ZNF782: variants seen among roughly 807,000 people sequenced by gnomAD.
ZNF782 encodes the protein zinc finger protein 782.
In ZNF782, 12 loss-of-function variants were observed where a neutral mutation model predicts 13.0. The observed-to-expected ratio is 0.92, with a 90% CI of 0.59 to 1.50. The LOEUF (loss-of-function observed/expected upper bound fraction) is 1.50. Ranked by LOEUF, ZNF782 falls within the 40% of genes most tolerant of loss-of-function variation. ZNF782 has a pLI of 0.00. For synonymous variants in ZNF782, 284 were observed against 283.0 expected, an observed-to-expected ratio of 1.00 and a Z score of -0.04; for missense variants, 770 against 822.9, an observed-to-expected ratio of 0.94 and a Z score of 0.79.
In ZNF782 at chr9:96,819,057, A is replaced by C; in HGVS notation, c.966T>G (p.Asn322Lys). 1.2e-6 allele frequency: 2 copies of C among 1,614,186 alleles called. No individual in the cohort carries two copies. Among genetic ancestry groups the C allele is most frequent in the Non-Finnish European group, 1.7e-6 (2 of 1,180,038 alleles). The part of the protein sequence containing the change: ...PFEYGKSFNR[N>K]STLPVHQRTH... ...TTCTCTGATGCACTGGGAGGGTTGA[A>C]TTACGGTTGAAACTTTTTCCATATT... Residue 322 changes from asparagine to lysine, a missense_variant, in exon 6 of 6, where the codon AAT becomes AAG. Physicochemically the swap from Asn to Lys is moderately conservative, Grantham distance 94. Transcript: ENST00000481138.
At chr9:96,905,767 T>C in the ZNF782 span, among the ~76,000 whole-genome samples, 1 of 152,226 alleles carries the variant, frequency 6.6e-6, no homozygotes, top group African/African-American at 2.4e-5. Flanking sequence ...TGTATTTTTA[T>C]GAGAGGCAGG....
At chr9:96,845,560 A>C (rs925571579) in intron 3 of ZNF782, among the ~76,000 whole-genome samples, 7 of 152,234 alleles carry the variant, frequency 4.6e-5, no homozygotes, top group African/African-American at 1.7e-4. Context: ...CCCAGCTGGG[A>C]AGTGAATCTT....
the ZNF782 span, among the ~76,000 whole-genome samples, chr9:96,902,368 G>A: frequency 7.6e-6 from 1 of 131,482 alleles, no homozygotes. Context: ...AAGTTGCAGT[G>A]AGCTGAGATC....
the ZNF782 span, among the ~76,000 whole-genome samples, chr9:96,900,106 G>A: frequency 6.6e-6 from 1 of 151,896 alleles, no homozygotes; most frequent in Admixed American, 6.6e-5. Context: ...GCCAAAATTA[G>A]TTCAGACCAG....
chr9:96,878,993 C>T (rs970118465), upstream of ZNF782, among the ~76,000 whole-genome samples: 1 of 152,082 alleles, frequency 6.6e-6, no homozygotes, highest in Non-Finnish European at 1.5e-5. Context: ...CCATAAATTT[C>T]TTTTAAAAAA....
chr9:96,827,378 G>A (rs903281413), intron 4 of ZNF782, among the ~76,000 whole-genome samples, 197 bp from the exon 5 acceptor site: 1 of 151,862 alleles, frequency 6.6e-6, no homozygotes, highest in African/African-American at 2.4e-5. Context: ...CACTCAGGCT[G>A]AAGTGCAGTG....
intron 3 of ZNF782, among the ~76,000 whole-genome samples, chr9:96,859,993 A>G (rs1413930896): frequency 2.6e-5 from 4 of 152,178 alleles, no homozygotes; most frequent in Non-Finnish European, 2.9e-5. Context: ...AGTAATCCGC[A>G]TGAGACTGTG....
chr9:96,912,162 C>G, the ZNF782 span, among the ~76,000 whole-genome samples: 9 of 142,436 alleles, frequency 6.3e-5, no homozygotes, highest in East Asian at 1.9e-3. Flanking sequence ...GATCCGCCAT[C>G]GCACTGCAGC....
chr9:96,925,138 G>A, the ZNF782 span, among the ~76,000 whole-genome samples: 14 of 152,200 alleles, frequency 9.2e-5, no homozygotes, highest in African/African-American at 2.9e-4. Flanking sequence ...ACCGGCAACC[G>A]ATGCTGGGAG....
At chr9:96,867,389 G>A (rs769061439) in intron 1 of ZNF782, among the ~76,000 whole-genome samples, 3 of 152,078 alleles carry the variant, frequency 2.0e-5, no homozygotes, top group Non-Finnish European at 2.9e-5. Flanking sequence ...GCCTTCTGCC[G>A]TGATTGTGAG....
the ZNF782 span, among the ~76,000 whole-genome samples, chr9:96,927,671 A>G: frequency 6.6e-6 from 1 of 152,206 alleles, no homozygotes; most frequent in Non-Finnish European, 1.5e-5. Context: ...GCACAGATAA[A>G]GGACAGATTT....
intron 4 of ZNF782, among the ~76,000 whole-genome samples, chr9:96,836,304 C>T (rs1850998709): frequency 6.6e-6 from 1 of 151,924 alleles, no homozygotes; most frequent in South Asian, 2.1e-4. Flanking sequence ...TCTCCACCTC[C>T]CGGATTCAAG....
At chr9:96,833,029 T>A (rs540125115) in intron 4 of ZNF782, among the ~76,000 whole-genome samples, 1 of 152,322 alleles carries the variant, frequency 6.6e-6, no homozygotes, top group South Asian at 2.1e-4. Flanking sequence ...CTCATTTCTA[T>A]TGTTCTGTCA....
the ZNF782 span, among the ~76,000 whole-genome samples, chr9:96,905,419 G>A: frequency 6.3e-4 from 95 of 151,914 alleles, no homozygotes; most frequent in South Asian, 0.02. Context: ...AAAAAGGGAG[G>A]AACTCTCATT....
intron 4 of ZNF782, 130 bp downstream of exon 4, chr9:96,844,759 AG>A: frequency 8.1e-7 from 1 of 1,240,560 alleles, no homozygotes; most frequent in South Asian, 1.3e-5. Flanking sequence ...CCTCAATAAA[AG>A]TGACTAATAT....
chr9:96,858,511 G>A (rs758337419), upstream of ZNF782, among the ~76,000 whole-genome samples: 25 of 152,300 alleles, frequency 1.6e-4, no homozygotes, highest in Non-Finnish European at 2.9e-4. This position sits in a 1 kb window ranked among gnomAD's most constrained non-coding sequence, Gnocchi z 4.4. Flanking sequence ...CTTCCAGTCT[G>A]GCCTCATGAC....
chr9:96,845,478 C>T (rs1055253265), intron 3 of ZNF782, among the ~76,000 whole-genome samples: 2 of 152,106 alleles, frequency 1.3e-5, no homozygotes, highest in South Asian at 2.1e-4. Context: ...AGGATGGTCT[C>T]GATCTCCTTA....
intron 1 of ZNF782, among the ~76,000 whole-genome samples, chr9:96,864,668 T>C (rs1851736868): frequency 6.6e-6 from 1 of 152,110 alleles, no homozygotes; most frequent in South Asian, 2.1e-4. Context: ...CAATTAAGTC[T>C]TTACTTAATT....
At chr9:96,870,286 T>C (rs1851808221) in intron 1 of ZNF782, among the ~76,000 whole-genome samples, 2 of 152,358 alleles carry the variant, frequency 1.3e-5, no homozygotes, top group African/African-American at 2.4e-5. Context: ...AAGACTTCTA[T>C]GGTACTGCCA....
Sources: allele counts gnomAD v4.1 joint callset (sites outside exome capture counted in the v4.1 genomes callset), GRCh38; gene constraint gnomAD v4.1.1; non-coding constraint Gnocchi (gnomAD v3.1); transcripts MANE v1.5; gene names NCBI Gene and HGNC (gene_info 2026-07-23, HGNC 2026-07-21).